Variants in THSD7B observed in about 807,000 individuals in gnomAD.
THSD7B encodes the protein thrombospondin type-1 domain-containing protein 7B.
A neutral mutation model predicts 213.6 loss-of-function variants in THSD7B; 138 were observed. That is an observed-to-expected ratio of 0.65 (90% CI 0.56 to 0.74). THSD7B has a LOEUF of 0.74. Among genes scored for constraint, THSD7B ranks in the 30% least tolerant of loss-of-function variants. The probability of loss-of-function intolerance (pLI) is 0.00; values close to 1 mark genes in which losing one functional copy is unlikely to be tolerated. For missense variants in THSD7B, 1,931 were observed against 1,991.5 expected, an observed-to-expected ratio of 0.97 and a Z score of 0.58; for synonymous variants, 742 against 687.0, an observed-to-expected ratio of 1.08 and a Z score of -1.25.
intron 12 of THSD7B, among the ~76,000 whole-genome samples, chr2:137,361,608 TG>T (rs1685262094): frequency 6.6e-6 from 1 of 152,118 alleles, no homozygotes; most frequent in Admixed American, 6.6e-5. Context: ...GTAGCTGATT[TG>T]ATCAAGTGGA....
chr2:137,382,147 C>G (rs1685792141), intron 12 of THSD7B, among the ~76,000 whole-genome samples: 1 of 152,198 alleles, frequency 6.6e-6, no homozygotes, highest in South Asian at 2.1e-4. Flanking sequence ...TCTAGAGAGC[C>G]AGAAACAGTT....
Position 137,250,798 on chromosome 2 carries a change from G to A in THSD7B, c.2266+8226G>A, listed in dbSNP as rs966765328. The stretch of plus-strand genomic sequence containing the variant: ...GAAGGTCAGGGCACTATGGAAGAAG[G>A]CAAGAAAAGTCTGATTTCCCCTCTG... On this transcript the variant is annotated intron_variant, in intron 10 of 27. Coordinates refer to ENST00000409968, the MANE Select transcript of THSD7B (RefSeq NM_001316349.2). Among the ~76,000 whole-genome samples the A allele has an allele frequency of 2.0e-5, 3 of 152,286 alleles. No individual in the cohort carries two copies. The South Asian group carries it at 6.2e-4, about 32-fold the overall frequency.
rs115171450 is a variant in THSD7B, at chr2:136,814,369, G to A, written c.-36+48682G>A. Reference sequence around the variant, plus strand: ...AACTCTTTAAAAACATTGTTTTGGAGTAAGATTTGTTTTTTTTCTTTTTAT... The same window carrying A: ...AACTCTTTAAAAACATTGTTTTGGAATAAGATTTGTTTTTTTTCTTTTTAT... On this transcript the variant is annotated intron_variant, in intron 1 of 27. Coordinates refer to ENST00000409968, the MANE Select transcript of THSD7B (RefSeq NM_001316349.2). Among the ~76,000 whole-genome samples, 1,383 of 152,044 alleles carry A rather than the reference G, an allele frequency of 9.1e-3. 20 individuals are homozygous for A. The highest frequency in any genetic ancestry group is 0.031 in the African/African-American group (1,305 of 41,482).
At chr2:137,384,152 T>C (rs1192857598) in intron 12 of THSD7B, among the ~76,000 whole-genome samples, 1 of 152,136 alleles carries the variant, frequency 6.6e-6, no homozygotes, top group Non-Finnish European at 1.5e-5. Context: ...CAAGGTGGGC[T>C]TCAAAGACTC....
At chr2:137,167,257 G>A (rs573789238) in intron 6 of THSD7B, among the ~76,000 whole-genome samples, 1 of 152,036 alleles carries the variant, frequency 6.6e-6, no homozygotes, top group East Asian at 1.9e-4. Context: ...AGGCTGGAGT[G>A]CAGTGGCGTG....
chr2:137,446,404 C>G (rs1687540334), intron 14 of THSD7B, among the ~76,000 whole-genome samples: 1 of 152,004 alleles, frequency 6.6e-6, no homozygotes, highest in Non-Finnish European at 1.5e-5. Context: ...ACTGAAAAGT[C>G]CTTTCATTCC....
At chr2:136,914,604 G>A (rs910182383) in intron 2 of THSD7B, among the ~76,000 whole-genome samples, 2 of 152,164 alleles carry the variant, frequency 1.3e-5, no homozygotes, top group Non-Finnish European at 2.9e-5. Flanking sequence ...TTTCGTGATA[G>A]TGAATAAGTC....
intron 3 of THSD7B, among the ~76,000 whole-genome samples, chr2:137,094,390 G>A (rs1307589511): frequency 6.6e-6 from 1 of 152,150 alleles, no homozygotes; most frequent in African/African-American, 2.4e-5. Flanking sequence ...GTCCAACATG[G>A]TAAAACCCTG....
chr2:136,883,655 G>A (rs12471331), intron 2 of THSD7B, among the ~76,000 whole-genome samples: 1 of 152,116 alleles, frequency 6.6e-6, no homozygotes, highest in South Asian at 2.1e-4. Flanking sequence ...TTTGAAAAAC[G>A]AATGAGATGT....
At chr2:137,027,769 G>A (rs1686582453) in intron 2 of THSD7B, among the ~76,000 whole-genome samples, 1 of 152,112 alleles carries the variant, frequency 6.6e-6, no homozygotes, top group South Asian at 2.1e-4. Flanking sequence ...CTGAGGGTAG[G>A]CACTTAATAC....
chr2:137,395,723 G>A (rs1292801815), intron 12 of THSD7B, among the ~76,000 whole-genome samples: 6 of 152,066 alleles, frequency 3.9e-5, no homozygotes, highest in African/African-American at 1.4e-4. Flanking sequence ...GATTGGAATA[G>A]TTTCAGAAGG....
At chr2:136,940,723 A>G (rs1297827348) in intron 2 of THSD7B, among the ~76,000 whole-genome samples, 2 of 135,234 alleles carry the variant, frequency 1.5e-5, no homozygotes, top group Non-Finnish European at 3.1e-5. Context: ...ATATATATAT[A>G]TATAATATAT....
At chr2:137,510,476 C>A (rs749571318) in intron 15 of THSD7B, among the ~76,000 whole-genome samples, 1 of 152,100 alleles carries the variant, frequency 6.6e-6, no homozygotes, top group Non-Finnish European at 1.5e-5. Context: ...CTTTGCTTCA[C>A]ACAATTCTAA....
At chr2:136,819,829 C>T (rs1002448000) in intron 1 of THSD7B, among the ~76,000 whole-genome samples, 1 of 151,006 alleles carries the variant, frequency 6.6e-6, no homozygotes, top group Non-Finnish European at 1.5e-5. Flanking sequence ...CCCAAGAAGC[C>T]TACTACTCTC....
chr2:137,184,429 A>G (rs961167718), intron 7 of THSD7B, among the ~76,000 whole-genome samples: 1 of 152,158 alleles, frequency 6.6e-6, no homozygotes, highest in Admixed American at 6.6e-5. Flanking sequence ...GAGATTGAAA[A>G]TAAGGGAGGG....
chr2:136,958,651 C>T (rs1396077657), intron 2 of THSD7B, among the ~76,000 whole-genome samples: 5 of 152,178 alleles, frequency 3.3e-5, no homozygotes, highest in Admixed American at 6.6e-5. Context: ...AAGAAAGACT[C>T]TTTAATTATT....
intron 6 of THSD7B, among the ~76,000 whole-genome samples, chr2:137,169,061 G>A (rs1435557701): frequency 2.0e-5 from 3 of 150,942 alleles, no homozygotes; most frequent in African/African-American, 7.3e-5. Flanking sequence ...CCATGTCAAT[G>A]CCATGAGAAT....
At chr2:136,996,626 G>A (rs547197779) in intron 2 of THSD7B, among the ~76,000 whole-genome samples, 5 of 152,246 alleles carry the variant, frequency 3.3e-5, no homozygotes, top group Non-Finnish European at 2.9e-5. Context: ...GATTACAGGC[G>A]TGAGTCACTG....
chr2:137,132,336 T>C (rs1688751736), intron 5 of THSD7B, among the ~76,000 whole-genome samples: 1 of 149,150 alleles, frequency 6.7e-6, no homozygotes, highest in South Asian at 2.1e-4. Context: ...ACAGGGACAA[T>C]TTGACTTCCT....
Sources: allele counts gnomAD v4.1 joint callset (sites outside exome capture counted in the v4.1 genomes callset), GRCh38; gene constraint gnomAD v4.1.1; transcripts MANE v1.5; gene names NCBI Gene and HGNC (gene_info 2026-07-23, HGNC 2026-07-21).